Variants in KCNJ3 observed in about 807,000 individuals in gnomAD.
KCNJ3 encodes the protein G protein-activated inward rectifier potassium channel 1.
In KCNJ3, 4 loss-of-function variants were observed where a neutral mutation model predicts 39.2. The observed-to-expected ratio is 0.10, with a 90% CI of 0.05 to 0.23. The LOEUF (loss-of-function observed/expected upper bound fraction) is 0.23. Ranked by LOEUF, KCNJ3 falls within the 10% of genes least tolerant of loss-of-function variation. The pLI is 1.00. For synonymous variants in KCNJ3, 230 were observed against 237.4 expected (o/e 0.97, Z 0.29); for missense variants, 276 against 634.9 (o/e 0.43, Z 6.08).
Position 154,698,702 on chromosome 2 carries a change from TA to T in KCNJ3, c.-73del. The T allele has an allele frequency of 2.6e-5, 7 of 268,874 alleles. No individual in the cohort carries two copies. Among genetic ancestry groups the T allele is most frequent in the Non-Finnish European group, 4.0e-5 (5 of 125,802 alleles). The allele number at this position is 268,874 out of a possible 1,614,324, so 16.7% of individuals were successfully genotyped here. A position where few individuals can be genotyped will look rare whatever the true frequency, so the allele number is the denominator to read the frequency against. On this transcript the variant is annotated 5_prime_UTR_variant, in exon 1 of 3. Transcript: ENST00000295101. ...CTTTCCTCCCCCGCCCCCACCTCCT[TA>T]TTGGTGCTAGTTTGCAGCGCCCAGC... is the stretch of plus-strand genomic sequence containing the variant.
At chr2:154,720,294 C>A (rs556272157) in intron 2 of KCNJ3, among the ~76,000 whole-genome samples, 2 of 151,982 alleles carry the variant, frequency 1.3e-5, no homozygotes, top group South Asian at 2.1e-4. Context: ...ATTTGTTTAG[C>A]CTTTTATGTC....
intron 2 of KCNJ3, among the ~76,000 whole-genome samples, chr2:154,834,492 G>A (rs1235761500): frequency 6.6e-6 from 1 of 152,096 alleles, no homozygotes; most frequent in African/African-American, 2.4e-5. Flanking sequence ...AGCACTTTGG[G>A]CTGCCGAGGC....
chr2:154,725,933 A>G (rs116216182), intron 2 of KCNJ3, among the ~76,000 whole-genome samples: 7,260 of 152,254 alleles, frequency 0.048, 241 homozygotes, highest in Non-Finnish European at 0.067. Context: ...CTTGATCCTC[A>G]TCTCTCATCT....
intron 2 of KCNJ3, among the ~76,000 whole-genome samples, chr2:154,845,168 G>A (rs1687644897): frequency 6.6e-6 from 1 of 152,142 alleles, no homozygotes; most frequent in Non-Finnish European, 1.5e-5. Flanking sequence ...TCCCAGGCTG[G>A]AGTGCAGTGG....
chr2:154,846,874 C>G (rs528393033), intron 2 of KCNJ3, among the ~76,000 whole-genome samples: 57 of 152,204 alleles, frequency 3.7e-4, no homozygotes, highest in African/African-American at 1.3e-3. Flanking sequence ...TATTTTCTGA[C>G]AAATACAACT....
chr2:154,824,682 AAAAC>A (rs1436479405), intron 2 of KCNJ3, among the ~76,000 whole-genome samples: 7 of 152,234 alleles, frequency 4.6e-5, no homozygotes, highest in African/African-American at 9.6e-5. Context: ...TATAAACAGG[AAAAC>A]AAACAGTGTT....
intron 2 of KCNJ3, among the ~76,000 whole-genome samples, chr2:154,723,572 A>G (rs1360878398): frequency 6.6e-6 from 1 of 152,184 alleles, no homozygotes; most frequent in East Asian, 1.9e-4. Context: ...GTGTAAAATA[A>G]GTAACAATAA....
intron 2 of KCNJ3, among the ~76,000 whole-genome samples, chr2:154,776,313 G>T (rs1463705798): frequency 6.6e-6 from 1 of 151,948 alleles, no homozygotes; most frequent in Non-Finnish European, 1.5e-5. Flanking sequence ...GGGATTCTTA[G>T]TACTTGTGCT....
chr2:154,855,329 G>C lies in KCNJ3; in HGVS notation c.*16G>C. On this transcript the variant is annotated 3_prime_UTR_variant, in exon 3 of 3. Coordinates refer to ENST00000295101, the MANE Select transcript of KCNJ3 (RefSeq NM_002239.4). ...CTTCACATAACAAAGCACTCCCTTA[G>C]GCATTATTTAATGTTTGATTTAGTA... 1 of 1,507,950 alleles carries C rather than the reference G, an allele frequency of 6.6e-7. No homozygotes were observed. The highest frequency in any genetic ancestry group is 1.7e-4 in the Middle Eastern group (1 of 5,724). 93.4% of individuals were successfully genotyped at this position (1,507,950 alleles called of 1,614,324 possible).
At chr2:154,774,505 T>C (rs977738377) in intron 2 of KCNJ3, among the ~76,000 whole-genome samples, 16 of 152,002 alleles carry the variant, frequency 1.1e-4, no homozygotes, top group South Asian at 2.1e-4. Flanking sequence ...TTTGACAAAA[T>C]TTTTTGCTTA....
intron 2 of KCNJ3, among the ~76,000 whole-genome samples, chr2:154,757,802 T>C (rs2105186379): frequency 6.6e-6 from 1 of 152,246 alleles, no homozygotes; most frequent in Non-Finnish European, 1.5e-5. Flanking sequence ...TGTTGCTGTG[T>C]CCTCACATGG....
At chr2:154,836,620 T>C (rs1687468348) in intron 2 of KCNJ3, among the ~76,000 whole-genome samples, 1 of 140,672 alleles carries the variant, frequency 7.1e-6, no homozygotes, top group South Asian at 2.3e-4. Context: ...ACTAAAATAA[T>C]ATATATTTGT....
chr2:154,754,260 T>G (rs144552997), intron 2 of KCNJ3, among the ~76,000 whole-genome samples: 1 of 152,218 alleles, frequency 6.6e-6, no homozygotes, highest in African/African-American at 2.4e-5. Context: ...ATAAACCTTA[T>G]GTGAACATTT....
intron 2 of KCNJ3, among the ~76,000 whole-genome samples, chr2:154,712,681 A>G (rs1685117593): frequency 1.3e-5 from 2 of 152,194 alleles, no homozygotes; most frequent in South Asian, 4.1e-4. Flanking sequence ...GAGATATCAG[A>G]TAACATTGTG....
chr2:154,801,126 G>A (rs1468687599), intron 2 of KCNJ3, among the ~76,000 whole-genome samples: 1 of 152,164 alleles, frequency 6.6e-6, no homozygotes, highest in Non-Finnish European at 1.5e-5. Context: ...CACTTTGACT[G>A]ACCTTTGTCA....
chr2:154,839,655 G>C (rs1687539586), intron 2 of KCNJ3, among the ~76,000 whole-genome samples: 1 of 152,128 alleles, frequency 6.6e-6, no homozygotes, highest in African/African-American at 2.4e-5. Context: ...ATCTCATTGT[G>C]GTTTTGATTT....
chr2:154,806,605 T>G (rs1265056214), intron 2 of KCNJ3, among the ~76,000 whole-genome samples: 1 of 152,148 alleles, frequency 6.6e-6, no homozygotes, highest in Non-Finnish European at 1.5e-5. Flanking sequence ...TACTGGATGC[T>G]AAGAGACCTG....
intron 2 of KCNJ3, among the ~76,000 whole-genome samples, chr2:154,713,497 G>A (rs777331713): frequency 6.6e-6 from 1 of 152,054 alleles, no homozygotes; most frequent in Non-Finnish European, 1.5e-5. Flanking sequence ...TGGGGGGAGG[G>A]AAGTGAGAAA....
chr2:154,719,772 G>A (rs574848967), intron 2 of KCNJ3, among the ~76,000 whole-genome samples: 3 of 152,080 alleles, frequency 2.0e-5, no homozygotes, highest in African/African-American at 7.2e-5. Context: ...CTTTTCTGGG[G>A]AAAATTTTCC....
Sources: gnomAD v4.1 joint callset for allele counts (sites outside exome capture counted in the v4.1 genomes callset) on GRCh38, gnomAD v4.1.1 for gene constraint, MANE v1.5 for transcripts, NCBI Gene and HGNC (gene_info 2026-07-23, HGNC 2026-07-21) for gene names.